Variants in SLC2A11 observed in about 807,000 individuals in gnomAD.
The protein encoded by SLC2A11 is solute carrier family 2, facilitated glucose transporter member 11.
A neutral mutation model predicts 52.1 loss-of-function variants in SLC2A11; 43 were observed. The ratio of observed to expected loss-of-function variants is 0.82; its 90% confidence interval spans 0.65 to 1.06. The LOEUF (loss-of-function observed/expected upper bound fraction) is 1.06, where lower values mean the gene tolerates loss of function less well. Ranked by LOEUF, SLC2A11 falls within the 50% of genes least tolerant of loss-of-function variation. SLC2A11 has a pLI of 0.00. For missense variants in SLC2A11, 582 were observed against 654.2 expected, an observed-to-expected ratio of 0.89 and a Z score of 1.20; for synonymous variants, 261 against 277.6, an observed-to-expected ratio of 0.94 and a Z score of 0.59.
At chr22:23,867,551 T>G in intron 2 of SLC2A11, 1 of 355,538 alleles carries the variant, frequency 2.8e-6, no homozygotes, top group Non-Finnish European at 5.8e-6. Context: ...TGAGCCCCAT[T>G]TCATCATACC....
upstream of SLC2A11, chr22:23,857,157 C>A: frequency 1.9e-6 from 2 of 1,027,636 alleles, no homozygotes; most frequent in Non-Finnish European, 2.8e-6. Flanking sequence ...GGGGCAGTGG[C>A]CTCCGAGGTT....
At chr22:23,860,278 A>G (rs2032002350) in intron 1 of SLC2A11, among the ~76,000 whole-genome samples, 1 of 151,944 alleles carries the variant, frequency 6.6e-6, no homozygotes, top group South Asian at 2.1e-4. Flanking sequence ...GCCCAGCATG[A>G]TGGTGTGTGC....
At chr22:23,862,815 G>T (rs1034439494) in intron 2 of SLC2A11, among the ~76,000 whole-genome samples, 3 of 152,064 alleles carry the variant, frequency 2.0e-5, no homozygotes, top group African/African-American at 4.8e-5. Context: ...TAGAGACGGG[G>T]TTTCTCCCTG....
chr22:23,884,365 T>A lies in SLC2A11; in HGVS notation c.1235T>A (p.Met412Lys). Residue 412 changes from methionine (M) to lysine (K), a missense_variant, in exon 11 of 12, where the codon ATG (methionine) becomes AAG (lysine). Coordinates refer to ENST00000316185, the MANE Select transcript of SLC2A11 (RefSeq NM_001024939.4). This position sits in a 1 kb window ranked among gnomAD's most constrained non-coding sequence, Gnocchi z 4.3. ...CAGATGGCCAGGCCTGCTGCCTGCA[T>A]GGTCTGCGGGGCGCTCATGTGGATC... ...FDQMARPAACMVCGALMWIML... is the reference protein window; with the variant it reads ...FDQMARPAACKVCGALMWIML... The A allele has an allele frequency of 6.2e-7, 1 of 1,614,020 alleles. No homozygotes were observed. The highest frequency in any genetic ancestry group is 1.1e-5 in the South Asian group (1 of 91,086).
chr22:23,857,359 G>A (rs957875453), upstream of SLC2A11: 7 of 1,476,840 alleles, frequency 4.7e-6, no homozygotes, highest in Admixed American at 2.0e-5. Context: ...TGGCACTTGC[G>A]AGGGCGAATG....
chr22:23,857,499 G>A, upstream of SLC2A11: 6 of 1,613,794 alleles, frequency 3.7e-6, no homozygotes, highest in South Asian at 2.2e-5. Flanking sequence ...GATGGAGGAT[G>A]AACTGGAGCC....
intron 4 of SLC2A11, 84 bp from the exon 5 acceptor site, chr22:23,876,958 A>C: frequency 6.2e-7 from 1 of 1,603,498 alleles, no homozygotes; most frequent in Non-Finnish European, 8.5e-7. Flanking sequence ...GACAGTGCTG[A>C]GTGGGGCAGG....
upstream of SLC2A11, chr22:23,857,457 G>A (rs368081581): frequency 2.0e-5 from 32 of 1,613,510 alleles, no homozygotes; most frequent in Non-Finnish European, 2.6e-5. Flanking sequence ...AGGAGTGAGC[G>A]GCTTTTCAGC....
upstream of SLC2A11, chr22:23,857,634 C>G (rs2031893537): frequency 1.7e-6 from 2 of 1,151,506 alleles, no homozygotes; most frequent in Middle Eastern, 2.8e-4. Context: ...TCCCCAGCAC[C>G]CCCAGCCCTT....
At chr22:23,878,185 A>G (rs1396582967) in intron 6 of SLC2A11, among the ~76,000 whole-genome samples, 1 of 152,242 alleles carries the variant, frequency 6.6e-6, no homozygotes, top group Non-Finnish European at 1.5e-5. Context: ...CAACTGGGTG[A>G]TGGTCATCTT....
At chr22:23,868,245 C>T (rs1170170012) in intron 2 of SLC2A11, 7 of 546,340 alleles carry the variant, frequency 1.3e-5, no homozygotes, top group East Asian at 2.9e-5. Context: ...GCAAATGGAG[C>T]GAGTCCAGTG....
At chr22:23,860,109 C>T (rs1278723089) in intron 1 of SLC2A11, among the ~76,000 whole-genome samples, 1 of 152,178 alleles carries the variant, frequency 6.6e-6, no homozygotes, top group African/African-American at 2.4e-5. Flanking sequence ...ACAAACGTGT[C>T]ATTTTGTAAT....
At chr22:23,857,379 G>T, upstream of SLC2A11, 43 of 1,490,578 alleles carry the variant, frequency 2.9e-5, no homozygotes, top group Non-Finnish European at 3.8e-5. Context: ...GCAGGGGCTT[G>T]GCCGAGATGA....
intron 5 of SLC2A11, 170 bp from the exon 6 acceptor site, chr22:23,877,551 G>T: frequency 1.1e-6 from 1 of 925,632 alleles, no homozygotes; most frequent in Non-Finnish European, 1.7e-6. Flanking sequence ...GTCCTCTCTT[G>T]GTCCCAACCT....
intron 3 of SLC2A11, among the ~76,000 whole-genome samples, chr22:23,874,615 A>C (rs2032556200): frequency 1.3e-5 from 2 of 150,642 alleles, no homozygotes; most frequent in Admixed American, 6.6e-5. Context: ...ATGCCTGGCT[A>C]ATTTTGTATT....
chr22:23,877,056 A>T lies in SLC2A11; in HGVS notation c.430A>T (p.Ile144Phe), dbSNP rs777374976. Residue 144 changes from isoleucine (I) to phenylalanine (F), a missense_variant, in exon 5 of 12, where the codon ATC (isoleucine) becomes TTC (phenylalanine). Coordinates refer to ENST00000316185, the MANE Select transcript of SLC2A11 (RefSeq NM_001024939.4). ...CACACGTCCAGGTGTGAGCATGAAC[A>T]TCCAGCCCATGTACCTGGGGGAGAG... ...VGVNAGVSMNIQPMYLGESAP... is the reference protein window; with the variant it reads ...VGVNAGVSMNFQPMYLGESAP... The T allele has an allele frequency of 2.5e-6, 4 of 1,613,846 alleles. No homozygotes were observed. In the South Asian group the frequency reaches 4.4e-5, roughly 18 times the overall value.
chr22:23,882,685 G>T, intron 7 of SLC2A11, 39 bp downstream of exon 7: 1 of 1,607,206 alleles, frequency 6.2e-7, no homozygotes. Context: ...GGGCCCCGGG[G>T]GCTTGGTGTT....
chr22:23,875,115 A>G lies in SLC2A11; in HGVS notation c.291-2A>G. 1.3e-6 allele frequency: 2 copies of G among 1,573,642 alleles called. No homozygotes were observed. Among genetic ancestry groups the G allele is most frequent in the Non-Finnish European group, 1.7e-6 (2 of 1,159,044 alleles). Reference sequence around the variant, plus strand: ...CTTTCTGTGTGTTTCACTTCCCCCAAGGAAGAAGTCCCTCCTGGTGAATAA... The same window carrying G: ...CTTTCTGTGTGTTTCACTTCCCCCAGGGAAGAAGTCCCTCCTGGTGAATAA... On this transcript the variant is annotated splice_acceptor_variant, in intron 3 of 11. Coordinates refer to ENST00000316185, the MANE Select transcript of SLC2A11 (RefSeq NM_001024939.4). LOFTEE classifies it high-confidence loss of function.
intron 3 of SLC2A11, among the ~76,000 whole-genome samples, chr22:23,874,567 T>A (rs1179528259): frequency 1.3e-5 from 2 of 151,990 alleles, no homozygotes; most frequent in Non-Finnish European, 2.9e-5. Context: ...CTCTCCTGCC[T>A]CAGTCTCGAG....
Sources: gnomAD v4.1 joint callset for allele counts (sites outside exome capture counted in the v4.1 genomes callset) on GRCh38, gnomAD v4.1.1 for gene constraint, Gnocchi (gnomAD v3.1) non-coding constraint, MANE v1.5 for transcripts, NCBI Gene and HGNC (gene_info 2026-07-23, HGNC 2026-07-21) for gene names.